SAXO5: variants seen among roughly 807,000 people sequenced by gnomAD.
SAXO5 encodes the protein stabilizer of axonemal microtubules 5, also known as testis expressed 45.
At chr19:7,499,925 G>C in the SAXO5 span, 1 of 69,528 alleles carries the variant, frequency 1.4e-5, no homozygotes, top group Non-Finnish European at 3.0e-5. Context: ...CACCACACTT[G>C]TCTAATTTGT....
At chr19:7,505,392 G>C in the SAXO5 span, 748 of 1,614,074 alleles carry the variant, frequency 4.6e-4, no homozygotes, top group Admixed American at 9.8e-4. Context: ...GGCCTCTTCC[G>C]CGACAGGACC....
chr19:7,501,619 C>T, the SAXO5 span, among the ~76,000 whole-genome samples: 2 of 150,686 alleles, frequency 1.3e-5, no homozygotes, highest in African/African-American at 4.9e-5. Flanking sequence ...GTCAAGAGTT[C>T]GAGACCAGCC....
the SAXO5 span, among the ~76,000 whole-genome samples, chr19:7,499,202 C>G: frequency 6.6e-6 from 1 of 151,824 alleles, no homozygotes; most frequent in Non-Finnish European, 1.5e-5. Flanking sequence ...ATCCCAGCTA[C>G]TTGGGAGGCT....
the SAXO5 span, chr19:7,506,271 C>CGGAGCCCCGCCCCCAT: frequency 9.8e-7 from 1 of 1,025,014 alleles, no homozygotes; most frequent in Non-Finnish European, 1.4e-6. Context: ...CCCGCCCCCA[C>CGGAGCCCCGCCCCCAT]GGAGCCCCGT....
At chr19:7,503,292 G>C in the SAXO5 span, among the ~76,000 whole-genome samples, 1 of 151,968 alleles carries the variant, frequency 6.6e-6, no homozygotes, top group African/African-American at 2.4e-5. Flanking sequence ...GCTTGAACCT[G>C]GGAGGAGCAG....
At chr19:7,506,153 C>G in the SAXO5 span, 1 of 1,605,290 alleles carries the variant, frequency 6.2e-7, no homozygotes, top group Non-Finnish European at 8.5e-7. Context: ...CTACCTGCCG[C>G]GGGGCACGGG....
the SAXO5 span, chr19:7,505,575 G>T: frequency 5.0e-6 from 8 of 1,614,072 alleles, no homozygotes; most frequent in East Asian, 1.8e-4. Context: ...AAGGAAATTG[G>T]TGCCCCGGCC....
the SAXO5 span, chr19:7,497,794 T>C: frequency 6.6e-6 from 1 of 152,198 alleles, no homozygotes; most frequent in Non-Finnish European, 1.5e-5. Context: ...TTGGATTCTC[T>C]GATGACCCAT....
chr19:7,499,375 G>A, the SAXO5 span, among the ~76,000 whole-genome samples: 1 of 136,138 alleles, frequency 7.3e-6, no homozygotes, highest in African/African-American at 2.7e-5. Flanking sequence ...GAGGGGAGGG[G>A]GGAGGGGCGG....
the SAXO5 span, chr19:7,506,332 G>A: frequency 1.0e-5 from 6 of 591,524 alleles, no homozygotes; most frequent in African/African-American, 1.0e-4. Context: ...CTCTGGCCCC[G>A]CCCCTAACCA....
chr19:7,499,950 G>GTGTGTGTGTGTGTA, the SAXO5 span: 1 of 152,480 alleles, frequency 6.6e-6, no homozygotes, highest in Non-Finnish European at 1.5e-5. Context: ...GTGTGTGTGT[G>GTGTGTGTGTGTGTA]TGTGTGTGTG....
chr19:7,506,387 C>T, the SAXO5 span: 1 of 615,778 alleles, frequency 1.6e-6, no homozygotes, highest in Non-Finnish European at 2.9e-6. Flanking sequence ...CTAAATCCCA[C>T]CCCCAATTGA....
chr19:7,499,607 C>A, the SAXO5 span: 1 of 152,536 alleles, frequency 6.6e-6, no homozygotes, highest in African/African-American at 2.4e-5. Flanking sequence ...GAATCAGAGT[C>A]GCCCTGGGTT....
At chr19:7,501,860 A>T in the SAXO5 span, among the ~76,000 whole-genome samples, 2 of 136,136 alleles carry the variant, frequency 1.5e-5, no homozygotes, top group African/African-American at 5.4e-5. Flanking sequence ...GAAAGAAGAA[A>T]GAGAGAGAGA....
the SAXO5 span, among the ~76,000 whole-genome samples, chr19:7,498,622 C>T: frequency 3.9e-5 from 6 of 152,036 alleles, no homozygotes; most frequent in African/African-American, 4.8e-5. Context: ...TCTTGAACTC[C>T]GACCTCAGGA....
chr19:7,499,295 G>C, the SAXO5 span, among the ~76,000 whole-genome samples: 2 of 148,718 alleles, frequency 1.3e-5, no homozygotes, highest in African/African-American at 2.5e-5. Context: ...CTGGGGGACA[G>C]AGTGAGACTC....
the SAXO5 span, chr19:7,499,068 T>C: frequency 6.6e-6 from 1 of 152,370 alleles, no homozygotes; most frequent in Non-Finnish European, 1.5e-5. Context: ...TCCCAGCACT[T>C]TGGGAGGCCA....
At chr19:7,504,676 A>T in the SAXO5 span, among the ~76,000 whole-genome samples, 2 of 150,320 alleles carry the variant, frequency 1.3e-5, no homozygotes, top group Non-Finnish European at 3.0e-5. Flanking sequence ...ACTGCACTCC[A>T]GCCTGTTCGA....
At chr19:7,502,971 C>T in the SAXO5 span, among the ~76,000 whole-genome samples, 1 of 152,136 alleles carries the variant, frequency 6.6e-6, no homozygotes, top group Non-Finnish European at 1.5e-5. Context: ...CCTGATTTGA[C>T]ATTTAGTTGT....
Sources: gnomAD v4.1 joint callset for allele counts (sites outside exome capture counted in the v4.1 genomes callset) on GRCh38, gnomAD v4.1.1 for gene constraint, MANE v1.5 for transcripts, NCBI Gene and HGNC (gene_info 2026-07-23, HGNC 2026-07-21) for gene names.